TMC5: variants seen among roughly 807,000 people sequenced by gnomAD.
The protein encoded by TMC5 is transmembrane channel-like protein 5.
In TMC5, 86 loss-of-function variants were observed where a neutral mutation model predicts 110.5. The observed-to-expected ratio is 0.78, with a 90% confidence interval of 0.65 to 0.93. TMC5 has a LOEUF of 0.93. Among genes scored for constraint, TMC5 ranks in the 40% least tolerant of loss-of-function variants. The pLI, the probability that TMC5 is intolerant of heterozygous loss-of-function variation, is 0.00. For missense variants in TMC5, 1,144 were observed against 1,222.8 expected (o/e 0.94, Z 0.96); for synonymous variants, 455 against 439.5 (o/e 1.04, Z -0.44).
intron 19 of TMC5, among the ~76,000 whole-genome samples, chr16:19,492,943 A>ATATATATATATATATAT (rs61334845): frequency 0.058 from 5,219 of 90,382 alleles, 1,074 homozygotes; most frequent in Non-Finnish European, 0.082. Context: ...TCTCTCTATA[A>ATATATATATATATATAT]GATAAATACT....
intron 17 of TMC5, among the ~76,000 whole-genome samples, chr16:19,490,102 G>T (rs1221973571): frequency 1.3e-5 from 2 of 151,992 alleles, no homozygotes; most frequent in African/African-American, 4.8e-5. Flanking sequence ...AACTTCTTAA[G>T]AAAAAAAGTC....
At chr16:19,467,142 CAAAA>C (rs758104363) in intron 9 of TMC5, among the ~76,000 whole-genome samples, 1 of 145,512 alleles carries the variant, frequency 6.9e-6, no homozygotes, top group African/African-American at 2.5e-5. Context: ...GATCCTGTTT[CAAAA>C]AAAAAAGAGA....
intron 12 of TMC5, among the ~76,000 whole-genome samples, chr16:19,475,175 A>G (rs1968455324): frequency 6.6e-6 from 1 of 152,140 alleles, no homozygotes; most frequent in African/African-American, 2.4e-5. Context: ...TAATCCCAGC[A>G]CTTTGGGAGG....
intron 2 of TMC5, among the ~76,000 whole-genome samples, chr16:19,438,560 A>G (rs2143456019): frequency 6.6e-6 from 1 of 151,972 alleles, no homozygotes; most frequent in East Asian, 1.9e-4. Flanking sequence ...CAGCCTGGCC[A>G]ACATAGTGAA....
chr16:19,445,083 C>T (rs1025872570), intron 4 of TMC5, among the ~76,000 whole-genome samples: 5 of 152,128 alleles, frequency 3.3e-5, no homozygotes, highest in African/African-American at 4.8e-5. Flanking sequence ...GAGCCAAGAT[C>T]GCACCACTGT....
At chr16:19,469,370 AT>A (rs1968267470) in intron 9 of TMC5, among the ~76,000 whole-genome samples, 1 of 143,380 alleles carries the variant, frequency 7.0e-6, no homozygotes, top group Non-Finnish European at 1.6e-5. Context: ...AAAAAAAAAA[AT>A]TCTGTGAGGT....
Position 19,429,986 on chromosome 16 carries a change from G to T in TMC5, c.-307-427G>T, listed in dbSNP as rs541490359. Among the ~76,000 whole-genome samples, 3 of 151,624 alleles carry T rather than the reference G, an allele frequency of 2.0e-5. 1 individual carries two copies. In the East Asian group the frequency reaches 5.9e-4, roughly 30 times the overall value. Reference sequence around the variant, plus strand: ...ATCAGGTCACATTCTGAAGTACTGCGGACTGGGACTTGAACATACCTTTTT... The same window carrying T: ...ATCAGGTCACATTCTGAAGTACTGCTGACTGGGACTTGAACATACCTTTTT... On this transcript the variant is annotated intron_variant, in intron 1 of 21. Transcript: ENST00000542583.
chr16:19,410,933 G>C (rs1399044734), exon 1 of TMC5: 2 of 152,318 alleles, frequency 1.3e-5, no homozygotes, highest in Non-Finnish European at 2.9e-5. Flanking sequence ...GGCTGGGAGC[G>C]GGGAGCCAGC....
exon 1 of TMC5, chr16:19,410,930 A>T (rs894082976): frequency 1.3e-5 from 2 of 152,286 alleles, no homozygotes; most frequent in African/African-American, 4.8e-5. Flanking sequence ...ACGGGCTGGG[A>T]GCGGGGAGCC....
At chr16:19,458,231 A>G (rs1967936669) in intron 5 of TMC5, among the ~76,000 whole-genome samples, 2 of 152,000 alleles carry the variant, frequency 1.3e-5, no homozygotes, top group South Asian at 2.1e-4. Flanking sequence ...TTTATTTGAG[A>G]CAGAGTTTCA....
rs536448855 is a variant in TMC5, at chr16:19,443,766, TTGGA to T, written c.789-303_789-300del. On this transcript the variant is annotated intron_variant, in intron 3 of 21. Transcript: ENST00000542583. Reference sequence around the variant, plus strand: ...GATGGATGGATGAATGTATGTATGGTTGGATGGATGGATGGTAAATGGATGGATG... The same window carrying T: ...GATGGATGGATGAATGTATGTATGGTTGGATGGATGGTAAATGGATGGATG... 2.6e-5 allele frequency among the ~76,000 whole-genome samples: 4 copies of T among 151,334 alleles called. No individual in the cohort carries two copies. The South Asian group carries it at 6.3e-4, about 24-fold the overall frequency.
At chr16:19,427,633 A>C (rs1396188364) in intron 1 of TMC5, among the ~76,000 whole-genome samples, 4 of 152,060 alleles carry the variant, frequency 2.6e-5, no homozygotes, top group African/African-American at 9.7e-5. Context: ...AGTTTTGTCA[A>C]CTTTGGCACT....
chr16:19,431,871 C>T (rs1008935720), intron 2 of TMC5, among the ~76,000 whole-genome samples: 4 of 152,158 alleles, frequency 2.6e-5, no homozygotes, highest in Non-Finnish European at 5.9e-5. Context: ...TGTGACGGTT[C>T]CATGGTATTC....
intron 1 of TMC5, among the ~76,000 whole-genome samples, chr16:19,421,259 T>G (rs1024169738): frequency 6.6e-6 from 1 of 152,202 alleles, no homozygotes; most frequent in Non-Finnish European, 1.5e-5. Context: ...TATTATTTAT[T>G]TTGATGATAT....
chr16:19,415,578 G>A (rs1966872687), upstream of TMC5, among the ~76,000 whole-genome samples: 1 of 152,162 alleles, frequency 6.6e-6, no homozygotes, highest in South Asian at 2.1e-4. Flanking sequence ...GAGAAATCCT[G>A]ACTTATAGCT....
intron 12 of TMC5, among the ~76,000 whole-genome samples, chr16:19,476,506 AC>A (rs764129398): frequency 5.9e-5 from 9 of 152,274 alleles, no homozygotes; most frequent in Non-Finnish European, 7.3e-5. Context: ...GCACCCCATA[AC>A]CTTGCATATT....
chr16:19,489,999 G>A (rs1968846872), intron 17 of TMC5, among the ~76,000 whole-genome samples: 1 of 151,924 alleles, frequency 6.6e-6, no homozygotes, highest in Non-Finnish European at 1.5e-5. Context: ...TGCCCAGGCT[G>A]GTCTTGAACT....
intron 1 of TMC5, among the ~76,000 whole-genome samples, chr16:19,422,318 T>G (rs943936182): frequency 2.6e-5 from 4 of 151,516 alleles, no homozygotes; most frequent in Non-Finnish European, 4.4e-5. Flanking sequence ...GAGAAAGAAT[T>G]TGCTTTTCTG....
intron 18 of TMC5, 22 bp downstream of exon 18, chr16:19,490,590 T>A (rs768659769): frequency 3.7e-6 from 6 of 1,613,520 alleles, no homozygotes; most frequent in Non-Finnish European, 5.1e-6. Context: ...ACCCGGGGAA[T>A]CTAGCAGGGA....
Sources: gnomAD v4.1 joint callset for allele counts (sites outside exome capture counted in the v4.1 genomes callset) on GRCh38, gnomAD v4.1.1 for gene constraint, MANE v1.5 for transcripts, NCBI Gene and HGNC (gene_info 2026-07-23, HGNC 2026-07-21) for gene names.